The following SGSH variants were observed in gnomAD, a reference collection of about 807,000 sequenced individuals.
SGSH encodes N-sulfoglucosamine sulfohydrolase.
SGSH carries 48 observed loss-of-function variants against 51.0 expected under a neutral mutation model. That is an observed-to-expected ratio of 0.94 (90% CI 0.75 to 1.20). The LOEUF is 1.20. Ranked by LOEUF, SGSH falls within the 50% of genes most tolerant of loss-of-function variation. The pLI is 0.00. For missense variants in SGSH, 662 were observed against 717.8 expected (o/e 0.92, Z 0.89); for synonymous variants, 321 against 313.4 (o/e 1.02, Z -0.26).
At chr17:80,204,462 C>T (rs2041165931), downstream of SGSH, 1 of 947,684 alleles carries the variant, frequency 1.1e-6, no homozygotes, top group Non-Finnish European at 1.5e-6. Context: ...AGGATCTGGT[C>T]TTCAAGAATC....
At chr17:80,220,083 AGAG>A in intron 1 of SGSH, 140 bp downstream of exon 1, 1 of 588,722 alleles carries the variant, frequency 1.7e-6, no homozygotes, top group Non-Finnish European at 2.9e-6. Context: ...GGCGGCACAG[AGAG>A]GAGGACGAGA....
downstream of SGSH, among the ~76,000 whole-genome samples, chr17:80,206,494 G>A (rs11649828): frequency 0.48 from 73,213 of 151,740 alleles, 18,858 homozygotes; most frequent in Non-Finnish European, 0.58. Context: ...GGCCGGGTGC[G>A]GTGGCTCACG....
In SGSH at chr17:80,210,158, G is replaced by A. The variant is rs950399924; in HGVS notation, c.*294C>T. On this transcript the variant is annotated 3_prime_UTR_variant, in exon 8 of 8. Transcript: ENST00000326317. ...GGGCGCTGCCCTGTCCGCAGACCAC[G>A]TATGTCTAGAATTCCCGTGCTGGGA... 23 of 1,335,796 alleles carry A rather than the reference G, an allele frequency of 1.7e-5. No homozygotes were observed. In the African/African-American group the frequency reaches 2.2e-4, roughly 13 times the overall value. The allele number at this position is 1,335,796 out of a possible 1,614,324, so 82.7% of individuals were successfully genotyped here.
Position 80,214,760 on chromosome 17 carries a change from T to A in SGSH, c.361A>T (p.Ile121Phe). Residue 121 changes from isoleucine to phenylalanine, a missense_variant, in exon 4 of 8, where the codon ATC becomes TTC. Ile to Phe is a conservative substitution (Grantham distance 21). Transcript: ENST00000326317. ...TCCGGCCCCACGTGCTTCTTCCCGATGATGCCTGGGCGGGAAGAGAGGCCT... is the reference window on the plus strand; with the variant it reads ...TCCGGCCCCACGTGCTTCTTCCCGAAGATGCCTGGGCGGGAAGAGAGGCCT... Reference protein sequence around the residue: ...LSQAGVRTGIIGKKHVGPETV... With the variant: ...LSQAGVRTGIFGKKHVGPETV... 1 of 1,611,702 alleles carries A rather than the reference T, an allele frequency of 6.2e-7. No homozygotes were observed.
chr17:80,212,625 G>A lies in SGSH; in HGVS notation c.746-351C>T, dbSNP rs757030953. 1.5e-5 allele frequency: 6 copies of A among 391,596 alleles called. No homozygotes were observed. Among genetic ancestry groups the A allele is most frequent in the South Asian group, 4.2e-5 (2 of 47,146 alleles). The allele number at this position is 391,596 out of a possible 1,614,324, so 24.3% of individuals were successfully genotyped here. A position where few individuals can be genotyped will look rare whatever the true frequency, so the allele number is the denominator to read the frequency against. On this transcript the variant is annotated intron_variant, in intron 6 of 7. Coordinates refer to ENST00000326317, the MANE Select transcript of SGSH (RefSeq NM_000199.5). This position sits in a 1 kb window ranked among gnomAD's most constrained non-coding sequence, Gnocchi z 5.9. ...GCAAATAGGGCAGGGGCCAGAGGAC[G>A]AGGCTTCCTCTATACTCGCTCCTTC... is the stretch of plus-strand genomic sequence containing the variant.
intron 7 of SGSH, chr17:80,211,818 A>G (rs1001373198): frequency 1.1e-5 from 6 of 562,146 alleles, no homozygotes; most frequent in African/African-American, 1.9e-5. Flanking sequence ...GGAAAAGGCA[A>G]TGGTTTTGAA....
At chr17:80,208,301 G>A (rs377543184), downstream of SGSH, 12 of 1,605,146 alleles carry the variant, frequency 7.5e-6, no homozygotes, top group South Asian at 5.6e-5. Flanking sequence ...GGCCATCGCC[G>A]ACGAGCAGAA....
At chr17:80,204,945 A>C, downstream of SGSH, 24 of 1,149,096 alleles carry the variant, frequency 2.1e-5, no homozygotes, top group Non-Finnish European at 2.2e-5. Flanking sequence ...TGCTGCAGTG[A>C]GCAAAGCAGA....
At chr17:80,208,666 C>T (rs184603402), downstream of SGSH, 249 of 275,408 alleles carry the variant, frequency 9.0e-4, no homozygotes, top group Admixed American at 1.3e-3. Context: ...CCGGAGGCCC[C>T]GGACTTCTCT....
Position 80,213,488 on chromosome 17 carries a change from C to T in SGSH, c.745+316G>A, listed in dbSNP as rs2144731726. 1 of 456,984 alleles carries T rather than the reference C, an allele frequency of 2.2e-6. No homozygotes were observed. Among genetic ancestry groups the T allele is most frequent in the African/African-American group, 2.0e-5 (1 of 50,794 alleles). 28.3% of individuals were successfully genotyped at this position (456,984 alleles called of 1,614,324 possible). ...AACTCACAGACCTCAAGATCTCCAT[C>T]TGCATATGCTAAGGAACTCCAAACC... On this transcript the variant is annotated intron_variant, in intron 6 of 7. Coordinates refer to ENST00000326317, the MANE Select transcript of SGSH (RefSeq NM_000199.5). The surrounding 1 kb of genome is among the most constrained non-coding windows in gnomAD (Gnocchi z 4.6).
At chr17:80,201,474 A>C in the SGSH span, 1 of 479,322 alleles carries the variant, frequency 2.1e-6, no homozygotes, top group Admixed American at 3.8e-5. The surrounding 1 kb of genome is among the most constrained non-coding windows in gnomAD (Gnocchi z 5.0). Context: ...TCAAGACAGG[A>C]AAGTGCTTAT....
chr17:80,210,512 G>A lies in SGSH; in HGVS notation c.1449C>T (p.Pro483=), dbSNP rs779836312. The A allele has an allele frequency of 1.9e-5, 31 of 1,608,862 alleles. No individual in the cohort carries two copies. Among genetic ancestry groups the A allele is most frequent in the East Asian group, 8.9e-5 (4 of 44,782 alleles). ...AGAGCTTCTCCTCCAGGACGCCGTC[G>A]GGGGCGCACACCCAGGGGTCGTGGG... ...WETHDPWVCA[P]DGVLEEKLSP... The change falls in exon 8 of 8, where the codon CCC becomes CCT. Residue 483 remains proline (P), a synonymous_variant. Coordinates refer to ENST00000326317, the MANE Select transcript of SGSH (RefSeq NM_000199.5).
At chr17:80,206,867 G>A (rs1001798222), downstream of SGSH, 1 of 660,790 alleles carries the variant, frequency 1.5e-6, no homozygotes, top group Non-Finnish European at 2.6e-6. Flanking sequence ...CTCCTGCCCT[G>A]CCCTCAGCCT....
At position 80,213,278 on chromosome 17, in the gene SGSH, C is replaced by T. The variant is rs141771538; in HGVS notation, c.745+526G>A. Reference sequence around the variant, plus strand: ...GTGAAGGCTTCAGCGGGGATGGGGGCGATTCTGCCGCCAGCCCAGGAACGC... The same window carrying T: ...GTGAAGGCTTCAGCGGGGATGGGGGTGATTCTGCCGCCAGCCCAGGAACGC... On this transcript the variant is annotated intron_variant, in intron 6 of 7. Coordinates refer to ENST00000326317, the MANE Select transcript of SGSH (RefSeq NM_000199.5). The surrounding 1 kb of genome is among the most constrained non-coding windows in gnomAD (Gnocchi z 4.6). The T allele has an allele frequency of 9.5e-3, 1,469 of 154,146 alleles. 18 individuals are homozygous for T. The highest frequency in any genetic ancestry group is 0.039 in the South Asian group (192 of 4,932). The allele number at this position is 154,146 out of a possible 1,614,324, so 9.5% of individuals were successfully genotyped here.
In SGSH at chr17:80,212,085, T is replaced by C; in HGVS notation, c.935A>G (p.Tyr312Cys). The change falls in exon 7 of 8, where the codon TAC becomes TGC. Residue 312 changes from tyrosine to cysteine, a missense_variant. Transcript: ENST00000326317. The surrounding 1 kb of genome is among the most constrained non-coding windows in gnomAD (Gnocchi z 5.9). The stretch of plus-strand genomic sequence containing the variant: ...CAAAGGCATACCTAGGAGGCTCACG[T>C]AGGCCTCGCTGACTTGGCCCCAGCG... The part of the protein sequence containing the change: ...PKRWGQVSEA[Y>C]VSLLDLTPTI... The C allele has an allele frequency of 6.2e-7, 1 of 1,613,494 alleles. No individual in the cohort carries two copies.
chr17:80,220,242 G>C lies in SGSH; in HGVS notation c.72C>G (p.Asn24Lys). ...GGCACTCACCGAGGAGCAGCAGTGCGTTCCGGGGACGCGCCCGGCAGAGCC... is the reference window on the plus strand; with the variant it reads ...GGCACTCACCGAGGAGCAGCAGTGCCTTCCGGGGACGCGCCCGGCAGAGCC... ...VLGLCRARPR[N>K]ALLLLADDGG... Residue 24 changes from asparagine (N) to lysine (K), a missense_variant, in exon 1 of 8, where the codon AAC (asparagine) becomes AAG (lysine). Asn to Lys is a moderately conservative substitution (Grantham distance 94, BLOSUM62 0). Transcript: ENST00000326317. 1 of 1,523,322 alleles carries C rather than the reference G, an allele frequency of 6.6e-7. No individual in the cohort carries two copies. Among genetic ancestry groups the C allele is most frequent in the East Asian group, 2.5e-5 (1 of 39,674 alleles). The allele number at this position is 1,523,322 out of a possible 1,614,324, so 94.4% of individuals were successfully genotyped here. A position where few individuals can be genotyped will look rare whatever the true frequency, so the allele number is the denominator to read the frequency against.
In SGSH at chr17:80,215,085, G is replaced by C; in HGVS notation, c.303C>G (p.Phe101Leu). ...LHQDVHHFNS[F>L]DKVRSLPLLL... ...GCAGCGGCAGGCTCCGCACCTTGTC[G>C]AAGGAGTTGAAGTGGTGCACGTCCT... Residue 101 changes from phenylalanine to leucine, a missense_variant, in exon 3 of 8, where the codon TTC becomes TTG. By Grantham distance (22) the Phe-to-Leu change is conservative. Transcript: ENST00000326317. 6.2e-7 allele frequency: 1 copy of C among 1,612,320 alleles called. No individual in the cohort carries two copies. The highest frequency in any genetic ancestry group is 8.5e-7 in the Non-Finnish European group (1 of 1,179,954).
rs2041576395 is a variant in SGSH, at chr17:80,210,188, G to A, written c.*264C>T. On this transcript the variant is annotated 3_prime_UTR_variant, in exon 8 of 8. Coordinates refer to ENST00000326317, the MANE Select transcript of SGSH (RefSeq NM_000199.5). ...TCTAGAATTCCCGTGCTGGGACATGGTTCAGACACAAGGACAACTGTGTCC... is the reference window on the plus strand; with the variant it reads ...TCTAGAATTCCCGTGCTGGGACATGATTCAGACACAAGGACAACTGTGTCC... 7.2e-7 allele frequency: 1 copy of A among 1,392,224 alleles called. No homozygotes were observed. The highest frequency in any genetic ancestry group is 9.3e-7 in the Non-Finnish European group (1 of 1,073,822). The allele number at this position is 1,392,224 out of a possible 1,614,324, so 86.2% of individuals were successfully genotyped here. A position where few individuals can be genotyped will look rare whatever the true frequency, so the allele number is the denominator to read the frequency against.
At chr17:80,208,249 C>T (rs144285237), downstream of SGSH, 186 of 1,581,556 alleles carry the variant, frequency 1.2e-4, no homozygotes, top group Non-Finnish European at 1.5e-4. Flanking sequence ...TGGCTCCTGA[C>T]GGCTGGAGCG....
Sources: gnomAD v4.1 joint callset for allele counts (sites outside exome capture counted in the v4.1 genomes callset) on GRCh38, gnomAD v4.1.1 for gene constraint, Gnocchi (gnomAD v3.1) non-coding constraint, MANE v1.5 for transcripts, NCBI Gene and HGNC (gene_info 2026-07-23, HGNC 2026-07-21) for gene names.